Variants in DOCK2 observed in about 807,000 individuals in gnomAD.
DOCK2 encodes dedicator of cytokinesis 2, also known as dedicator of cytokinesis protein 2.
A neutral mutation model predicts 248.9 loss-of-function variants in DOCK2; 87 were observed. That is an observed-to-expected ratio of 0.35 (90% CI 0.29 to 0.42). The LOEUF is 0.42. Among genes scored for constraint, DOCK2 ranks in the 10% least tolerant of loss-of-function variants. The probability of loss-of-function intolerance (pLI) is 1.00; values close to 1 mark genes in which losing one functional copy is unlikely to be tolerated. For synonymous variants in DOCK2, 805 were observed against 821.6 expected, an observed-to-expected ratio of 0.98 and a Z score of 0.35; for missense variants, 1,747 against 2,300.2, an observed-to-expected ratio of 0.76 and a Z score of 4.92.
chr5:169,800,958 T>TTTTTTTTTTTTTTTTTTTTTTTTG (rs1766937772), intron 25 of DOCK2, among the ~76,000 whole-genome samples: 1 of 85,530 alleles, frequency 1.2e-5, no homozygotes, highest in Non-Finnish European at 2.6e-5. Context: ...TTTTTTTTTT[T>TTTTTTTTTTTTTTTTTTTTTTTTG]TTTTTTTTTT....
chr5:170,000,440 C>A (rs1020824088), intron 30 of DOCK2: 1 of 152,192 alleles, frequency 6.6e-6, no homozygotes, highest in African/African-American at 2.4e-5. Context: ...TGCGATTCAA[C>A]CCCAGGCCTG....
intron 41 of DOCK2, among the ~76,000 whole-genome samples, chr5:170,054,270 A>T (rs1395063784): frequency 6.6e-6 from 1 of 152,318 alleles, no homozygotes; most frequent in Non-Finnish European, 1.5e-5. Context: ...TTTTGGAGTC[A>T]TGGTGGTCAT....
intron 29 of DOCK2, among the ~76,000 whole-genome samples, chr5:169,988,831 G>A (rs79905804): frequency 0.015 from 2,254 of 152,196 alleles, 54 homozygotes; most frequent in African/African-American, 0.05. Context: ...ACTCTCCAAG[G>A]TCATGCCACT....
At position 169,637,318 on chromosome 5, in the gene DOCK2, G is replaced by C. The variant is rs1042171964; in HGVS notation, c.-9G>C. The C allele has an allele frequency of 7.0e-7, 1 of 1,426,036 alleles. No homozygotes were observed. Among genetic ancestry groups the C allele is most frequent in the African/African-American group, 1.5e-5 (1 of 67,350 alleles). 88.3% of individuals were successfully genotyped at this position (1,426,036 alleles called of 1,614,324 possible). On this transcript the variant is annotated 5_prime_UTR_variant, in exon 1 of 52. Coordinates refer to ENST00000520908, the MANE Select transcript of DOCK2 (RefSeq NM_004946.3). ...TCCCCACGGGAGGACGCGAGGCCCC[G>C]GCCCAGCCATGGCCCCCTGGCGCAA...
chr5:169,700,259 C>A (rs754677312), intron 13 of DOCK2, 120 bp downstream of exon 13: 74 of 1,416,450 alleles, frequency 5.2e-5, no homozygotes, highest in Non-Finnish European at 6.7e-5. Flanking sequence ...CCATTTCTGT[C>A]CCTGAAGGTA....
At chr5:169,819,124 G>T (rs993418411) in intron 26 of DOCK2, among the ~76,000 whole-genome samples, 6 of 152,094 alleles carry the variant, frequency 3.9e-5, no homozygotes, top group Admixed American at 2.6e-4. Flanking sequence ...AGAAATACCC[G>T]CAGGAGACCA....
intron 9 of DOCK2, 90 bp downstream of exon 9, chr5:169,689,423 T>C: frequency 7.3e-7 from 1 of 1,372,478 alleles, no homozygotes; most frequent in African/African-American, 1.4e-5. Flanking sequence ...CAGGGTGAAG[T>C]GTGGCTGTCC....
chr5:170,035,043 T>A (rs988767647), intron 35 of DOCK2, among the ~76,000 whole-genome samples: 12 of 152,354 alleles, frequency 7.9e-5, no homozygotes, highest in African/African-American at 2.2e-4. Flanking sequence ...CTTCTTCTTA[T>A]AGAATGGAGT....
intron 26 of DOCK2, among the ~76,000 whole-genome samples, chr5:169,809,736 T>A (rs1767619873): frequency 6.6e-6 from 1 of 152,204 alleles, no homozygotes; most frequent in Non-Finnish European, 1.5e-5. Flanking sequence ...ACTTGAACTG[T>A]CTATTCTCTG....
chr5:169,929,462 T>C (rs1179624792), intron 27 of DOCK2, among the ~76,000 whole-genome samples: 1 of 151,688 alleles, frequency 6.6e-6, no homozygotes. Context: ...TGTGGCCAGG[T>C]GTGGTGGCTT....
chr5:170,027,568 G>A lies in DOCK2; in HGVS notation c.3382-295G>A, dbSNP rs562911371. Among the ~76,000 whole-genome samples, 45 of 152,236 alleles carry A rather than the reference G, an allele frequency of 3.0e-4. No homozygotes were observed. The South Asian group carries it at 8.7e-3, about 29-fold the overall frequency. On this transcript the variant is annotated intron_variant, in intron 33 of 51. Transcript: ENST00000520908. ...TTGAAAACAAGCTCAAATAACATGA[G>A]TTGTGAAAAGTCTTCCCTGACTCTC...
At chr5:170,011,741 C>T (rs1755304433) in intron 32 of DOCK2, among the ~76,000 whole-genome samples, 1 of 151,976 alleles carries the variant, frequency 6.6e-6, no homozygotes, top group Non-Finnish European at 1.5e-5. Flanking sequence ...CAATTAAAAA[C>T]AAAACAAGAC....
rs370450130 is a variant in DOCK2 at position 170,080,264 on chromosome 5, G to T, written c.5268G>T (p.Gln1756His). The T allele has an allele frequency of 1.9e-6, 3 of 1,614,044 alleles. No homozygotes were observed. The highest frequency in any genetic ancestry group is 2.2e-5 in the East Asian group (1 of 44,886). The change falls in exon 50 of 52, where the codon CAG becomes CAT. Residue 1756 changes from glutamine to histidine, a missense_variant. Gln to His is a conservative substitution (Grantham distance 24). This residue lies in a region of DOCK2 where 513 missense variants were observed against 586.1 expected (regional missense o/e 0.88). Transcript: ENST00000520908. Reference protein sequence around the residue: ...SVLSQMSFASQSMPTIPALAL... With the variant: ...SVLSQMSFASHSMPTIPALAL... ...TCTCTCAAATGAGCTTTGCCAGCCA[G>T]TCCATGCCTACCATCCCAGGTATGC...
intron 27 of DOCK2, among the ~76,000 whole-genome samples, chr5:169,978,592 T>C (rs1777823197): frequency 6.6e-6 from 1 of 152,062 alleles, no homozygotes; most frequent in Non-Finnish European, 1.5e-5. Context: ...CTAATTAATT[T>C]TGATCACACA....
At chr5:170,041,836 G>A (rs774968572) in intron 37 of DOCK2, among the ~76,000 whole-genome samples, 177 bp from the exon 38 acceptor site, 1 of 152,226 alleles carries the variant, frequency 6.6e-6, no homozygotes, top group Non-Finnish European at 1.5e-5. Context: ...GCCTCAAAAG[G>A]GCAGCCTCTC....
At chr5:170,063,584 G>A (rs1455317192) in intron 44 of DOCK2, among the ~76,000 whole-genome samples, 1 of 152,170 alleles carries the variant, frequency 6.6e-6, no homozygotes, top group Non-Finnish European at 1.5e-5. Context: ...CAGAGCCAGA[G>A]GTTGGCACTT....
rs79455220 is a variant in DOCK2 at position 169,954,516 on chromosome 5, C to G, written c.2800-28552C>G. On this transcript the variant is annotated intron_variant, in intron 27 of 51. Transcript: ENST00000520908. ...ACCAGAAAGACCTCTTGGCCACCCC[C>G]CTGAAGCTGTGGTTCAGCAGAATCA... is the stretch of plus-strand genomic sequence containing the variant. 8.2e-3 allele frequency among the ~76,000 whole-genome samples: 1,249 copies of G among 152,298 alleles called. 64 individuals carry two copies. The East Asian group carries it at 0.14, about 17-fold the overall frequency.
intron 25 of DOCK2, among the ~76,000 whole-genome samples, chr5:169,774,893 T>TTTGTTGTTGTTG (rs71575576): frequency 2.0e-5 from 3 of 150,862 alleles, no homozygotes; most frequent in African/African-American, 7.3e-5. Context: ...ATGACTGTTT[T>TTTGTTGTTGTTG]TTGTTGTTGT....
rs1769928081 is a variant in DOCK2 at position 169,840,997 on chromosome 5, G to T, written c.2799+145G>T. 3 of 894,990 alleles carry T rather than the reference G, an allele frequency of 3.4e-6. No individual in the cohort carries two copies. In the African/African-American group the frequency reaches 5.0e-5, roughly 15 times the overall value. The allele number at this position is 894,990 out of a possible 1,614,324, so 55.4% of individuals were successfully genotyped here. ...GGGTGACCAGATTTTTCCTGTCTGA[G>T]TTGGGAGGACTTGAGAATTAACTCA... On this transcript the variant is annotated intron_variant, in intron 27 of 51. Coordinates refer to ENST00000520908, the MANE Select transcript of DOCK2 (RefSeq NM_004946.3).
Sources: allele counts gnomAD v4.1 joint callset (sites outside exome capture counted in the v4.1 genomes callset), GRCh38; gene constraint gnomAD v4.1.1; regional missense constraint gnomAD v4.1.1; transcripts MANE v1.5; gene names NCBI Gene and HGNC (gene_info 2026-07-23, HGNC 2026-07-21).